The following IL1RAPL2 variants were observed in gnomAD, a reference collection of about 807,000 sequenced individuals.
IL1RAPL2 encodes the protein X-linked interleukin-1 receptor accessory protein-like 2.
Under a neutral mutation model 44.1 loss-of-function variants are expected in IL1RAPL2, and 3 were observed. That is an observed-to-expected ratio of 0.07 (90% CI 0.03 to 0.18). The LOEUF (loss-of-function observed/expected upper bound fraction) is 0.18. Among genes scored for constraint, IL1RAPL2 ranks in the 10% least tolerant of loss-of-function variants. IL1RAPL2 has a pLI of 1.00. For missense variants in IL1RAPL2, 391 were observed against 496.4 expected, an observed-to-expected ratio of 0.79 and a Z score of 2.02; for synonymous variants, 181 against 178.8, an observed-to-expected ratio of 1.01 and a Z score of -0.10.
intron 2 of IL1RAPL2, among the ~76,000 whole-genome samples, chrX:105,087,844 T>A (rs765326148): frequency 7.5e-4 from 84 of 112,461 alleles, no homozygotes; most frequent in African/African-American, 2.5e-3. Flanking sequence ...AAAGTCTATT[T>A]CCCTGAAATT....
chrX:105,094,390 C>CAT (rs1365643414), intron 2 of IL1RAPL2, among the ~76,000 whole-genome samples: 5 of 111,459 alleles, frequency 4.5e-5, no homozygotes, highest in African/African-American at 1.6e-4. Flanking sequence ...CATACATATG[C>CAT]ATATATATAC....
In IL1RAPL2 at chrX:104,826,577, A is replaced by G. The variant is rs977377278; in HGVS notation, c.82+167582A>G. On this transcript the variant is annotated intron_variant, in intron 2 of 10. Coordinates refer to ENST00000372582, the MANE Select transcript of IL1RAPL2 (RefSeq NM_017416.2). The stretch of plus-strand genomic sequence containing the variant: ...TAAGTGCTATGTGGTGCTGAGAAGA[A>G]TGTATATTCTGTTGATTTGGGGTGG... Among the ~76,000 whole-genome samples the G allele has an allele frequency of 1.3e-4, 14 of 111,754 alleles. 1 individual carries two copies. Among genetic ancestry groups the G allele is most frequent in the Non-Finnish European group, 3.8e-5 (2 of 53,220 alleles).
intron 2 of IL1RAPL2, among the ~76,000 whole-genome samples, chrX:104,947,714 A>G (rs1301050053): frequency 1.8e-5 from 2 of 111,512 alleles, no homozygotes; most frequent in Admixed American, 1.9e-4. Flanking sequence ...TTTGTCAAAG[A>G]TCAGACAGTT....
intron 2 of IL1RAPL2, among the ~76,000 whole-genome samples, chrX:105,132,019 T>TCCTCCC (rs1466453507): frequency 9.0e-6 from 1 of 110,751 alleles, no homozygotes; most frequent in East Asian, 2.8e-4. Flanking sequence ...TCTTAATATG[T>TCCTCCC]CCTATTCCTT....
chrX:105,519,918 A>T (rs1419451017), intron 6 of IL1RAPL2, among the ~76,000 whole-genome samples: 1 of 111,816 alleles, frequency 8.9e-6, no homozygotes, highest in Non-Finnish European at 1.9e-5. Context: ...AAAACTCTGC[A>T]TTCTATTTTG....
intron 1 of IL1RAPL2, among the ~76,000 whole-genome samples, chrX:104,633,332 G>C (rs1929701004): frequency 9.0e-6 from 1 of 111,440 alleles, no homozygotes; most frequent in Non-Finnish European, 1.9e-5. Context: ...CCAGGCTTTG[G>C]TATCAGGATG....
At chrX:105,193,113 T>A (rs2033646104) in intron 2 of IL1RAPL2, among the ~76,000 whole-genome samples, 1 of 112,111 alleles carries the variant, frequency 8.9e-6, no homozygotes, top group Non-Finnish European at 1.9e-5. Flanking sequence ...CAAAGCAGAC[T>A]GTTAACATTG....
At chrX:105,243,567 G>GTATATA (rs1178955820) in intron 4 of IL1RAPL2, among the ~76,000 whole-genome samples, 2 of 80,689 alleles carry the variant, frequency 2.5e-5, no homozygotes, top group African/African-American at 7.7e-5. Context: ...ATATATGTGT[G>GTATATA]TATATATATA....
intron 6 of IL1RAPL2, among the ~76,000 whole-genome samples, chrX:105,637,151 G>T (rs945118291): frequency 9.0e-6 from 1 of 111,256 alleles, no homozygotes. Context: ...GCTAGAAGAA[G>T]GAAGGAAGGA....
chrX:104,583,444 C>T (rs1266928322), intron 1 of IL1RAPL2, among the ~76,000 whole-genome samples: 1 of 111,624 alleles, frequency 9.0e-6, no homozygotes, highest in Non-Finnish European at 1.9e-5. Context: ...AATCAACTTA[C>T]TGCCTCTATA....
intron 5 of IL1RAPL2, among the ~76,000 whole-genome samples, chrX:105,367,389 G>T (rs1392130880): frequency 9.0e-6 from 1 of 111,237 alleles, no homozygotes; most frequent in East Asian, 2.8e-4. Flanking sequence ...TTTGTTAATT[G>T]TTTTCTTGTT....
chrX:105,196,258 G>A (rs1339916489), intron 3 of IL1RAPL2, among the ~76,000 whole-genome samples: 1 of 110,432 alleles, frequency 9.1e-6, no homozygotes, highest in Non-Finnish European at 1.9e-5. Context: ...CTCCAGCCTG[G>A]GCAACAGAGC....
chrX:104,845,916 T>A (rs1922037829), intron 2 of IL1RAPL2, among the ~76,000 whole-genome samples: 2 of 111,782 alleles, frequency 1.8e-5, no homozygotes, highest in African/African-American at 6.5e-5. Context: ...AAGGAAGTGA[T>A]TGATGACTAA....
chrX:104,817,331 G>T (rs986027859), intron 2 of IL1RAPL2, among the ~76,000 whole-genome samples: 2 of 112,325 alleles, frequency 1.8e-5, no homozygotes, highest in Admixed American at 1.9e-4. Context: ...AGGTTTTATG[G>T]CTGGCTTGGG....
At chrX:105,712,602 C>T (rs1447533831) in intron 6 of IL1RAPL2, among the ~76,000 whole-genome samples, 2 of 110,921 alleles carry the variant, frequency 1.8e-5, no homozygotes, top group African/African-American at 6.6e-5. Flanking sequence ...CTTTTAAAAC[C>T]ATCAGATTTC....
At chrX:105,609,347 A>G (rs1178147983) in intron 6 of IL1RAPL2, among the ~76,000 whole-genome samples, 2 of 45 alleles carry the variant, frequency 0.044, no homozygotes, top group Non-Finnish European at 0.069. Flanking sequence ...AATGTACTTA[A>G]TGGGCGCTGA....
chrX:104,942,759 C>T (rs1602838964), intron 2 of IL1RAPL2, among the ~76,000 whole-genome samples: 4 of 111,458 alleles, frequency 3.6e-5, no homozygotes, highest in South Asian at 3.8e-4. Context: ...GAAAGGGCAT[C>T]CCTGTCTTGT....
chrX:105,029,467 C>G (rs1418643843), intron 2 of IL1RAPL2, among the ~76,000 whole-genome samples: 19 of 90,713 alleles, frequency 2.1e-4, no homozygotes, highest in South Asian at 1.2e-3. Flanking sequence ...TGTTCTCATT[C>G]TTCAATTCCC....
At chrX:105,505,996 A>G (rs1452172277) in intron 6 of IL1RAPL2, among the ~76,000 whole-genome samples, 4 of 111,380 alleles carry the variant, frequency 3.6e-5, no homozygotes, top group African/African-American at 1.3e-4. Flanking sequence ...TTAACCTACT[A>G]TACCTCGGAC....
Sources: gnomAD v4.1 joint callset for allele counts (sites outside exome capture counted in the v4.1 genomes callset) on GRCh38, gnomAD v4.1.1 for gene constraint, MANE v1.5 for transcripts, NCBI Gene and HGNC (gene_info 2026-07-23, HGNC 2026-07-21) for gene names.